MAMLD1: variants seen among roughly 807,000 people sequenced by gnomAD.
MAMLD1 encodes the protein mastermind like domain containing 1.
Under a neutral mutation model 45.0 loss-of-function variants are expected in MAMLD1, and 14 were observed. The observed-to-expected ratio is 0.31, with a 90% CI of 0.21 to 0.49. The LOEUF (loss-of-function observed/expected upper bound fraction) is 0.49, where lower values mean the gene tolerates loss of function less well. MAMLD1 is among the 20% of genes least tolerant of loss of function. The pLI, the probability that MAMLD1 is intolerant of heterozygous loss-of-function variation, is 0.99. For synonymous variants in MAMLD1, 254 were observed against 247.8 expected, an observed-to-expected ratio of 1.02 and a Z score of -0.24; for missense variants, 543 against 603.6, an observed-to-expected ratio of 0.90 and a Z score of 1.05.
At chrX:150,364,325 C>T (rs1557400620) in intron 1 of MAMLD1, among the ~76,000 whole-genome samples, 1 of 113,225 alleles carries the variant, frequency 8.8e-6, no homozygotes, top group East Asian at 2.8e-4. Context: ...GTGTCCGAAG[C>T]CTCCTGGAAA....
chrX:150,405,629 G>T (rs1229971961), intron 1 of MAMLD1, among the ~76,000 whole-genome samples: 1 of 111,949 alleles, frequency 8.9e-6, no homozygotes. Context: ...AGAAAGAGAG[G>T]GTGGTTGTGA....
chrX:150,362,397 T>C (rs1255005528), upstream of MAMLD1, among the ~76,000 whole-genome samples: 2 of 110,456 alleles, frequency 1.8e-5, no homozygotes, highest in Admixed American at 9.5e-5. Flanking sequence ...GCAAGCTCTC[T>C]TGTTCTCTGG....
intron 1 of MAMLD1, among the ~76,000 whole-genome samples, chrX:150,390,410 T>C (rs1184327738): frequency 1.8e-5 from 2 of 112,657 alleles, no homozygotes; most frequent in Non-Finnish European, 3.7e-5. Context: ...CATGCTTTAC[T>C]TAAATCTATT....
intron 1 of MAMLD1, among the ~76,000 whole-genome samples, chrX:150,428,237 A>G (rs1898406785): frequency 8.9e-6 from 1 of 111,784 alleles, no homozygotes; most frequent in African/African-American, 3.3e-5. Context: ...AGGTGTGAGT[A>G]CAGTACTCAC....
At chrX:150,433,333 G>C (rs1256927770) in intron 1 of MAMLD1, among the ~76,000 whole-genome samples, 6 of 111,829 alleles carry the variant, frequency 5.4e-5, no homozygotes, top group African/African-American at 1.9e-4. Flanking sequence ...CATTTTCTAG[G>C]AATAGAATAA....
chrX:150,389,054 A>AT (rs372830900), intron 1 of MAMLD1, among the ~76,000 whole-genome samples: 4,120 of 106,534 alleles, frequency 0.039, 71 homozygotes, highest in East Asian at 0.094. Flanking sequence ...ATTTCAATGC[A>AT]TTTTTTTTTT....
intron 1 of MAMLD1, among the ~76,000 whole-genome samples, chrX:150,376,924 T>C (rs1464116686): frequency 1.8e-5 from 2 of 110,954 alleles, no homozygotes; most frequent in Non-Finnish European, 3.8e-5. Flanking sequence ...ATTTTTGTAC[T>C]GAGTAACAGT....
chrX:150,382,215 C>T (rs1007552272), intron 1 of MAMLD1, among the ~76,000 whole-genome samples: 1 of 111,362 alleles, frequency 9.0e-6, no homozygotes, highest in South Asian at 3.8e-4. Context: ...TGCTCAATGG[C>T]TCTAGTAGCA....
intron 1 of MAMLD1, among the ~76,000 whole-genome samples, chrX:150,413,277 G>A (rs973111987): frequency 9.0e-6 from 1 of 111,194 alleles, no homozygotes; most frequent in East Asian, 2.8e-4. Context: ...AGTATTTCTT[G>A]AATCCTTCCC....
chrX:150,432,084 TG>T (rs200217581), intron 1 of MAMLD1, among the ~76,000 whole-genome samples: 11,205 of 110,548 alleles, frequency 0.1, 472 homozygotes, highest in African/African-American at 0.14. Flanking sequence ...CCACAACCTC[TG>T]TTTTTTTTTT....
At chrX:150,497,424 CA>C (rs1450193522) in intron 5 of MAMLD1, among the ~76,000 whole-genome samples, 1 of 108,558 alleles carries the variant, frequency 9.2e-6, no homozygotes, top group Non-Finnish European at 1.9e-5. Context: ...GCTGGGACTA[CA>C]GGCACGCACC....
chrX:150,459,482 C>T lies in MAMLD1; in HGVS notation c.97-3290C>T, dbSNP rs996443593. On this transcript the variant is annotated intron_variant, in intron 2 of 7. Coordinates refer to ENST00000370401, the MANE Select transcript of MAMLD1 (RefSeq NM_005491.5). ...GCACCTTGGCCCATTTCCTCCAAGC[C>T]CCACTTCTGCTTGAGGACAGGGCTC... Among the ~76,000 whole-genome samples, 3 of 109,040 alleles carry T rather than the reference C, an allele frequency of 2.8e-5. No homozygotes were observed. In the South Asian group the frequency reaches 1.2e-3, roughly 44 times the overall value. 94.7% of individuals were successfully genotyped at this position (109,040 alleles called of 115,157 possible). A position where few individuals can be genotyped will look rare whatever the true frequency, so the allele number is the denominator to read the frequency against.
At chrX:150,507,647 A>T (rs782085034) in intron 6 of MAMLD1, among the ~76,000 whole-genome samples, 19 of 112,020 alleles carry the variant, frequency 1.7e-4, no homozygotes, top group Admixed American at 1.4e-3. Context: ...GGCAGTTTCC[A>T]TAGTGATAGG....
intron 5 of MAMLD1, among the ~76,000 whole-genome samples, chrX:150,503,064 G>C (rs1411385726): frequency 8.9e-6 from 1 of 112,184 alleles, no homozygotes; most frequent in African/African-American, 3.2e-5. Context: ...TCTGTGGAGA[G>C]AAACCATAGC....
intron 2 of MAMLD1, among the ~76,000 whole-genome samples, chrX:150,462,546 G>A (rs187428282): frequency 1.0e-3 from 117 of 112,093 alleles, no homozygotes; most frequent in African/African-American, 3.6e-3. Flanking sequence ...AACAGGTGCA[G>A]ACCTGCTACT....
intron 1 of MAMLD1, among the ~76,000 whole-genome samples, chrX:150,429,413 C>T (rs1017154259): frequency 2.3e-4 from 26 of 110,909 alleles, no homozygotes; most frequent in African/African-American, 7.2e-4. Flanking sequence ...CATCTGGACC[C>T]TGAAGTCCTT....
rs188131101 is a variant in MAMLD1 at position 150,477,279 on chromosome X, T to C, written c.2040+3477T>C. Among the ~76,000 whole-genome samples the C allele has an allele frequency of 2.2e-3, 252 of 112,825 alleles. 1 individual carries two copies. Among genetic ancestry groups the C allele is most frequent in the South Asian group, 0.019 (53 of 2,738 alleles). On this transcript the variant is annotated intron_variant, in intron 5 of 7. Transcript: ENST00000370401. ...TTAAATGAGATGAGGTAACAGCGCT[T>C]GGCATAGGGCCTGGTACACAATTAT...
intron 5 of MAMLD1, among the ~76,000 whole-genome samples, chrX:150,492,599 C>T (rs781895314): frequency 7.2e-4 from 81 of 111,888 alleles, no homozygotes; most frequent in Non-Finnish European, 1.3e-3. Flanking sequence ...GAGTTACACT[C>T]TGCCCTGGCT....
At chrX:150,456,914 G>T (rs782769662) in intron 2 of MAMLD1, among the ~76,000 whole-genome samples, 1 of 112,447 alleles carries the variant, frequency 8.9e-6, no homozygotes, top group Non-Finnish European at 1.9e-5. Flanking sequence ...AAAGTTTCTT[G>T]CCCGAGGCAA....
Sources: allele counts gnomAD v4.1 joint callset (sites outside exome capture counted in the v4.1 genomes callset), GRCh38; gene constraint gnomAD v4.1.1; transcripts MANE v1.5; gene names NCBI Gene and HGNC (gene_info 2026-07-23, HGNC 2026-07-21).